Variants in KCNN3 observed in about 807,000 individuals in gnomAD.
KCNN3 encodes the protein potassium calcium-activated channel subfamily N member 3.
In KCNN3, 16 loss-of-function variants were observed where a neutral mutation model predicts 62.9. The ratio of observed to expected loss-of-function variants is 0.25; its 90% CI spans 0.17 to 0.39. The LOEUF (loss-of-function observed/expected upper bound fraction) is 0.39, where lower values mean the gene tolerates loss of function less well. Ranked by LOEUF, KCNN3 falls within the 10% of genes least tolerant of loss-of-function variation. The pLI, the probability that KCNN3 is intolerant of heterozygous loss-of-function variation, is 1.00. For synonymous variants in KCNN3, 370 were observed against 389.2 expected (o/e 0.95, Z 0.58); for missense variants, 599 against 949.4 (o/e 0.63, Z 4.85).
chr1:154,729,308 C>T (rs1017934007), intron 4 of KCNN3, among the ~76,000 whole-genome samples: 5 of 152,184 alleles, frequency 3.3e-5, no homozygotes, highest in African/African-American at 1.2e-4. Flanking sequence ...TGGATGTGCT[C>T]TGTCCAACTT....
chr1:154,800,922 G>A (rs918606428), intron 2 of KCNN3, among the ~76,000 whole-genome samples: 8 of 152,284 alleles, frequency 5.3e-5, no homozygotes, highest in African/African-American at 1.9e-4. Flanking sequence ...GTGCGCGCCT[G>A]TAGTCCCAGC....
At chr1:154,860,652 C>T (rs1652734220) in intron 1 of KCNN3, among the ~76,000 whole-genome samples, 1 of 152,188 alleles carries the variant, frequency 6.6e-6, no homozygotes. Flanking sequence ...GGACGGGAAG[C>T]CATTTGGCTC....
Position 154,816,806 on chromosome 1 carries a change from ATC to A in KCNN3, c.1029+5281_1029+5282del, listed in dbSNP as rs1021343542. On this transcript the variant is annotated intron_variant, in intron 2 of 7. Transcript: ENST00000271915. Reference sequence around the variant, plus strand: ...TGCTGTCTAAAATGTAAATCTGATCATCTCTGTCCCCAGCTTGAAACCTTCTC... The same window carrying A: ...TGCTGTCTAAAATGTAAATCTGATCATCTGTCCCCAGCTTGAAACCTTCTC... Among the ~76,000 whole-genome samples, 75 of 152,298 alleles carry A rather than the reference ATC, an allele frequency of 4.9e-4. 1 individual carries two copies. Among genetic ancestry groups the A allele is most frequent in the African/African-American group, 1.8e-3 (73 of 41,554 alleles).
chr1:154,808,775 C>T (rs1057253354), intron 2 of KCNN3, among the ~76,000 whole-genome samples: 2 of 152,164 alleles, frequency 1.3e-5, no homozygotes, highest in African/African-American at 4.8e-5. Context: ...TCTTTGCTCT[C>T]AAATCGATAT....
chr1:154,844,158 C>G (rs968912046), intron 1 of KCNN3, among the ~76,000 whole-genome samples: 1 of 152,224 alleles, frequency 6.6e-6, no homozygotes, highest in Non-Finnish European at 1.5e-5. Context: ...CTTCCCCTCC[C>G]CAACCCTCCT....
chr1:154,834,108 T>G, intron 1 of KCNN3, among the ~76,000 whole-genome samples: 1 of 152,228 alleles, frequency 6.6e-6, no homozygotes, highest in East Asian at 1.9e-4. Flanking sequence ...ACACAGGCTA[T>G]TAATAGACCA....
At chr1:154,788,332 T>G (rs1649370581) in intron 2 of KCNN3, among the ~76,000 whole-genome samples, 1 of 152,226 alleles carries the variant, frequency 6.6e-6, no homozygotes, top group Non-Finnish European at 1.5e-5. Context: ...TACAAAGTGG[T>G]TGAGTGGCCA....
intron 1 of KCNN3, among the ~76,000 whole-genome samples, chr1:154,839,962 C>T (rs112629849): frequency 9.9e-5 from 15 of 152,132 alleles, no homozygotes; most frequent in Non-Finnish European, 1.5e-5. Flanking sequence ...GGTCACAGAG[C>T]TGGGGGGAGG....
intron 3 of KCNN3, among the ~76,000 whole-genome samples, chr1:154,766,307 C>T (rs1431663969): frequency 6.6e-6 from 1 of 150,670 alleles, no homozygotes; most frequent in East Asian, 1.9e-4. Context: ...ATCATGGGCT[C>T]CTACCAATTA....
intron 1 of KCNN3, among the ~76,000 whole-genome samples, chr1:154,855,942 C>T (rs1247861843): frequency 6.6e-6 from 1 of 152,154 alleles, no homozygotes; most frequent in East Asian, 1.9e-4. Flanking sequence ...AGAGCAAAAG[C>T]AAGCGCCAAG....
At position 154,702,273 on chromosome 1, in the gene KCNN3, A is replaced by G. The variant is rs570294129; in HGVS notation, c.*5703T>C. On this transcript the variant is annotated 3_prime_UTR_variant, in exon 8 of 8. Transcript: ENST00000271915. ...GCTGACAGTGGACCTGCTAAACACT[A>G]GTTTGATACAAAATGTTAATTGAAA... 9.2e-5 allele frequency: 14 copies of G among 152,208 alleles called. No individual in the cohort carries two copies. In the South Asian group the frequency reaches 2.9e-3, roughly 32 times the overall value. 9.4% of individuals were successfully genotyped at this position (152,208 alleles called of 1,614,324 possible).
intron 3 of KCNN3, among the ~76,000 whole-genome samples, chr1:154,756,288 G>C (rs971996497): frequency 1.3e-5 from 2 of 149,708 alleles, no homozygotes; most frequent in African/African-American, 5.0e-5. Context: ...CGATGAAAAG[G>C]AGGAGGAGGA....
chr1:154,786,878 G>T lies in KCNN3; in HGVS notation c.1030-14485C>A, dbSNP rs903317200. On this transcript the variant is annotated intron_variant, in intron 2 of 7. Transcript: ENST00000271915. The stretch of plus-strand genomic sequence containing the variant: ...TGTCATGGAGAAAGCCACTTGTGGC[G>T]CCTAATGGTGATGTTTTAAGCATGG... Among the ~76,000 whole-genome samples, 3 of 152,326 alleles carry T rather than the reference G, an allele frequency of 2.0e-5. No homozygotes were observed. In the East Asian group the frequency reaches 5.8e-4, roughly 29 times the overall value.
At chr1:154,727,750 TG>T (rs543568821) in intron 4 of KCNN3, among the ~76,000 whole-genome samples, 1 of 152,262 alleles carries the variant, frequency 6.6e-6, no homozygotes, top group Non-Finnish European at 1.5e-5. Flanking sequence ...CAGCCTGGTC[TG>T]TAGCTGTAAT....
intron 7 of KCNN3, among the ~76,000 whole-genome samples, chr1:154,708,736 C>T (rs549716330): frequency 2.6e-4 from 39 of 152,040 alleles, no homozygotes; most frequent in Admixed American, 1.9e-3. Context: ...CTCTGCCAGG[C>T]GCCTGGCCTC....
intron 1 of KCNN3, among the ~76,000 whole-genome samples, chr1:154,838,629 C>T (rs1299357872): frequency 6.6e-6 from 1 of 152,192 alleles, no homozygotes; most frequent in African/African-American, 2.4e-5. Context: ...CCCAGTCAAC[C>T]TTCAGGACCG....
At chr1:154,757,597 C>G (rs1358118452) in intron 3 of KCNN3, among the ~76,000 whole-genome samples, 1 of 152,198 alleles carries the variant, frequency 6.6e-6, no homozygotes, top group Non-Finnish European at 1.5e-5. Context: ...CCTGGGAGCC[C>G]TTTGCCCTAA....
At chr1:154,769,969 G>C (rs148067204) in intron 3 of KCNN3, among the ~76,000 whole-genome samples, 12 of 152,342 alleles carry the variant, frequency 7.9e-5, no homozygotes, top group Non-Finnish European at 1.6e-4. Context: ...CCAGCTTTCA[G>C]ATAAGAAAAT....
intron 1 of KCNN3, among the ~76,000 whole-genome samples, chr1:154,852,511 G>A (rs1166769000): frequency 6.6e-6 from 1 of 151,934 alleles, no homozygotes; most frequent in Non-Finnish European, 1.5e-5. Context: ...ACCATGCCCA[G>A]CAAGTCTGTT....
Sources: gnomAD v4.1 joint callset for allele counts (sites outside exome capture counted in the v4.1 genomes callset) on GRCh38, gnomAD v4.1.1 for gene constraint, MANE v1.5 for transcripts, NCBI Gene and HGNC (gene_info 2026-07-23, HGNC 2026-07-21) for gene names.